MYO7A: variants seen among roughly 807,000 people sequenced by gnomAD.
The protein encoded by MYO7A is myosin VIIA.
Under a neutral mutation model 263.8 loss-of-function variants are expected in MYO7A, and 210 were observed. That is an observed-to-expected ratio of 0.80 (90% CI 0.71 to 0.89). MYO7A has a LOEUF of 0.89. MYO7A is among the 40% of genes least tolerant of loss of function. The probability of loss-of-function intolerance (pLI) is 0.00; values close to 1 mark genes in which losing one functional copy is unlikely to be tolerated. For missense variants in MYO7A, 2,820 were observed against 2,968.3 expected (o/e 0.95, Z 1.16); for synonymous variants, 1,239 against 1,197.3 (o/e 1.03, Z -0.72).
intron 2 of MYO7A, among the ~76,000 whole-genome samples, chr11:77,140,667 A>C: frequency 6.6e-6 from 1 of 152,210 alleles, no homozygotes; most frequent in East Asian, 1.9e-4. Context: ...GGTGGCTGTC[A>C]GGGGTAAGCC....
At chr11:77,137,143 G>C (rs1278666006) in intron 2 of MYO7A, among the ~76,000 whole-genome samples, 1 of 152,150 alleles carries the variant, frequency 6.6e-6, no homozygotes, top group Non-Finnish European at 1.5e-5. Flanking sequence ...CGGCTTGACT[G>C]GGGGAAGGAC....
At chr11:77,212,788 G>A (rs1957965064) in intron 46 of MYO7A, 164 bp from the exon 47 acceptor site, 2 of 650,584 alleles carry the variant, frequency 3.1e-6, no homozygotes, top group South Asian at 1.8e-5. Context: ...CAGCACTGAG[G>A]GCCCAGCGGA....
In MYO7A at chr11:77,213,906, G is replaced by T. The variant is rs1444669817; in HGVS notation, c.6485G>T (p.Ser2162Ile). The change falls in exon 48 of 49, where the codon AGC (serine) becomes ATC (isoleucine). Residue 2162 changes from serine to isoleucine, a missense_variant. Ser to Ile is a moderately radical substitution (Grantham distance 142, BLOSUM62 -2). Transcript: ENST00000409709. ...HPFTKISNWSSGNTYFHITIG... is the reference protein window; with the variant it reads ...HPFTKISNWSIGNTYFHITIG... ...TTCACCAAGATCTCCAACTGGAGCA[G>T]CGGCAACACCTACTTCCACATCACC... The T allele has an allele frequency of 1.9e-6, 3 of 1,614,056 alleles. No individual in the cohort carries two copies. In the South Asian group the frequency reaches 3.3e-5, roughly 18 times the overall value.
chr11:77,181,393 A>G lies in MYO7A; in HGVS notation c.2708A>G (p.Gln903Arg), dbSNP rs1555084023. 1.9e-6 allele frequency: 3 copies of G among 1,568,996 alleles called. No individual in the cohort carries two copies. The highest frequency in any genetic ancestry group is 2.6e-6 in the Non-Finnish European group (3 of 1,158,078). Reference sequence around the variant, plus strand: ...CCAATTGCCCAGGAGCGCCTGGCCCAGCTGGCTCGTGAGGACGCTGAGCGG... The same window carrying G: ...CCAATTGCCCAGGAGCGCCTGGCCCGGCTGGCTCGTGAGGACGCTGAGCGG... Reference protein sequence around the residue: ...AERKHQERLAQLAREDAEREL... With the variant: ...AERKHQERLARLAREDAEREL... Residue 903 changes from glutamine (Q) to arginine (R), a missense_variant, in exon 23 of 49, where the codon CAG becomes CGG. Gln to Arg is a conservative substitution (Grantham distance 43). Transcript: ENST00000409709.
intron 3 of MYO7A, among the ~76,000 whole-genome samples, chr11:77,146,869 G>A (rs527536419): frequency 7.9e-5 from 12 of 152,202 alleles, no homozygotes; most frequent in South Asian, 2.1e-4. Context: ...CTCTGGGGGC[G>A]GGGAGGGCCC....
In MYO7A at chr11:77,172,416, AG is replaced by A. The variant is rs1241257104; in HGVS notation, c.1798-328del. On this transcript the variant is annotated intron_variant, in intron 15 of 48. Transcript: ENST00000409709. ...TACAGGGAAGGGAGGGATGAGACTCAGGGGCTGCCCCTTGCTCAGAGTTATC... is the reference window on the plus strand; with the variant it reads ...TACAGGGAAGGGAGGGATGAGACTCAGGGCTGCCCCTTGCTCAGAGTTATC... Among the ~76,000 whole-genome samples, 3 of 152,272 alleles carry A rather than the reference AG, an allele frequency of 2.0e-5. No homozygotes were observed. The East Asian group carries it at 5.8e-4, about 29-fold the overall frequency.
rs1555083030 is a variant in MYO7A at position 77,179,963 on chromosome 11, C to A, written c.2586+10C>A. 1.3e-6 allele frequency: 2 copies of A among 1,515,984 alleles called. No homozygotes were observed. The highest frequency in any genetic ancestry group is 1.8e-6 in the Non-Finnish European group (2 of 1,130,850). The allele number at this position is 1,515,984 out of a possible 1,614,324, so 93.9% of individuals were successfully genotyped here. On this transcript the variant is annotated intron_variant, in intron 21 of 48. Coordinates refer to ENST00000409709, the MANE Select transcript of MYO7A (RefSeq NM_000260.4). Reference sequence around the variant, plus strand: ...ACGCCTCAGGGCTGAGGTGAGGGAGCAAGTCCATAGCACCCACAGCTCTGA... The same window carrying A: ...ACGCCTCAGGGCTGAGGTGAGGGAGAAAGTCCATAGCACCCACAGCTCTGA...
At chr11:77,172,978 G>A in intron 16 of MYO7A, 93 bp downstream of exon 16, 4 of 1,454,164 alleles carry the variant, frequency 2.8e-6, no homozygotes, top group Non-Finnish European at 3.7e-6. Flanking sequence ...TGAAGGATGT[G>A]AGACTTTGTC....
rs576515478 is a variant in MYO7A, at chr11:77,174,616, G to A, written c.1936-140G>A. ...TTTGTGGATTTGAGCTGCAGATCCC[G>A]GTGCCTGTCCCAGCTTTGCTCCTCC... is the stretch of plus-strand genomic sequence containing the variant. On this transcript the variant is annotated intron_variant, in intron 16 of 48. Transcript: ENST00000409709. 8.2e-5 allele frequency: 66 copies of A among 801,934 alleles called. No individual in the cohort carries two copies. In the African/African-American group the frequency reaches 8.4e-4, roughly 10 times the overall value. The allele number at this position is 801,934 out of a possible 1,614,324, so 49.7% of individuals were successfully genotyped here. A position where few individuals can be genotyped will look rare whatever the true frequency, so the allele number is the denominator to read the frequency against.
chr11:77,170,815 G>A (rs1257673648), intron 15 of MYO7A, among the ~76,000 whole-genome samples: 7 of 152,168 alleles, frequency 4.6e-5, no homozygotes, highest in Non-Finnish European at 5.9e-5. Context: ...CCAGGCTGAC[G>A]GTGGAGGAAG....
chr11:77,178,954 C>A, intron 19 of MYO7A, 91 bp from the exon 20 acceptor site: 1 of 969,702 alleles, frequency 1.0e-6, no homozygotes, highest in Non-Finnish European at 1.6e-6. Flanking sequence ...AGTCACAGAG[C>A]TGGGACTCAG....
chr11:77,155,867 A>G, intron 4 of MYO7A, 40 bp from the exon 5 acceptor site: 2 of 1,523,620 alleles, frequency 1.3e-6, no homozygotes, highest in Middle Eastern at 1.7e-4. Context: ...AGAGTCTCCC[A>G]CATGGAATCA....
chr11:77,192,911 TGGA>T lies in MYO7A; in HGVS notation c.4152+636_4152+638del. Among the ~76,000 whole-genome samples the T allele has an allele frequency of 3.5e-5, 2 of 56,952 alleles. 1 individual carries two copies. The highest frequency in any genetic ancestry group is 7.9e-4 in the East Asian group (2 of 2,518). 37.4% of individuals were successfully genotyped at this position (56,952 alleles called of 152,430 possible). ...GAGGTAGTGATGGTGTTGGTGATGG[TGGA>T]GGGTAGTGATGGTGTTGTTTGTGAT... On this transcript the variant is annotated intron_variant, in intron 31 of 48. Coordinates refer to ENST00000409709, the MANE Select transcript of MYO7A (RefSeq NM_000260.4).
Position 77,180,395 on chromosome 11 carries a change from G to C in MYO7A, c.2608G>C (p.Glu870Gln). ...TCAGTATCTGTGGCGCCTCGAGGCT[G>C]AGAAAATGCGGCTGGCGGAGGAAGA... The part of the protein sequence containing the change: ...RAEYLWRLEA[E>Q]KMRLAEEEKL... The change falls in exon 22 of 49, where the codon GAG becomes CAG. Residue 870 changes from glutamate to glutamine, a missense_variant. Coordinates refer to ENST00000409709, the MANE Select transcript of MYO7A (RefSeq NM_000260.4). The C allele has an allele frequency of 6.2e-7, 1 of 1,612,784 alleles. No individual in the cohort carries two copies.
At chr11:77,201,713 A>G in intron 36 of MYO7A, 75 bp downstream of exon 36, 1 of 1,473,292 alleles carries the variant, frequency 6.8e-7, no homozygotes, top group Non-Finnish European at 9.3e-7. Flanking sequence ...ACAGCTGTAC[A>G]ATAGGTTAAC....
At chr11:77,181,621 C>A in intron 23 of MYO7A, 32 bp downstream of exon 23, 3 of 1,591,842 alleles carry the variant, frequency 1.9e-6, no homozygotes, top group Non-Finnish European at 1.7e-6. Context: ...CTCCAGAGGC[C>A]CACACACACC....
At position 77,206,107 on chromosome 11, in the gene MYO7A, C is replaced by T. The variant is rs866352637; in HGVS notation, c.5647C>T (p.Arg1883Trp). Residue 1883 changes from arginine (R) to tryptophan (W), a missense_variant, in exon 41 of 49, where the codon CGG (arginine) becomes TGG (tryptophan). Physicochemically the swap from Arg to Trp is moderately radical, Grantham distance 101 (BLOSUM62 -3). Transcript: ENST00000409709. Reference protein sequence around the residue: ...RLQKALRNGSRKYPPHLVEVE... With the variant: ...RLQKALRNGSWKYPPHLVEVE... ...CTGCTGCCTTTTCAGAAACGGGTCC[C>T]GGAAGTACCCTCCGCACCTGGTGGA... 8 of 1,611,922 alleles carry T rather than the reference C, an allele frequency of 5.0e-6. No individual in the cohort carries two copies. Among genetic ancestry groups the T allele is most frequent in the Admixed American group, 3.3e-5 (2 of 59,784 alleles).
intron 5 of MYO7A, 30 bp from the exon 6 acceptor site, chr11:77,156,630 G>T: frequency 1.2e-6 from 2 of 1,611,014 alleles, no homozygotes; most frequent in South Asian, 1.1e-5. Context: ...TGTGGGTTGT[G>T]ACAGGTCCTG....
At position 77,142,759 on chromosome 11, in the gene MYO7A, C is replaced by T. The variant is rs1555051508; in HGVS notation, c.69C>T (p.Pro23=). ...GATTGGGGCAGGAGTTCGACGTGCC[C>T]ATCGGGGCGGTGGTGAAGCTCTGCG... The part of the protein sequence containing the change: ...DLRLGQEFDV[P]IGAVVKLCDS... The change falls in exon 3 of 49, where the codon CCC becomes CCT. Residue 23 remains proline (P), a synonymous_variant. Coordinates refer to ENST00000409709, the MANE Select transcript of MYO7A (RefSeq NM_000260.4). 1 of 1,612,268 alleles carries T rather than the reference C, an allele frequency of 6.2e-7. No individual in the cohort carries two copies. The highest frequency in any genetic ancestry group is 8.5e-7 in the Non-Finnish European group (1 of 1,179,364).
Sources: allele counts gnomAD v4.1 joint callset (sites outside exome capture counted in the v4.1 genomes callset), GRCh38; gene constraint gnomAD v4.1.1; transcripts MANE v1.5; gene names NCBI Gene and HGNC (gene_info 2026-07-23, HGNC 2026-07-21).